PRDM11: variants seen among roughly 807,000 people sequenced by gnomAD.
PRDM11 encodes PR domain-containing protein 11.
A neutral mutation model predicts 97.8 loss-of-function variants in PRDM11; 20 were observed. That is an observed-to-expected ratio of 0.20 (90% CI 0.14 to 0.30). The LOEUF (loss-of-function observed/expected upper bound fraction) is 0.30, where lower values mean the gene tolerates loss of function less well. PRDM11 is among the 10% of genes least tolerant of loss of function. PRDM11 has a pLI of 1.00. For synonymous variants in PRDM11, 599 were observed against 637.7 expected (o/e 0.94, Z 0.91); for missense variants, 1,139 against 1,555.2 (o/e 0.73, Z 4.50).
chr11:45,131,098 T>C (rs750279277), intron 1 of PRDM11, among the ~76,000 whole-genome samples: 1 of 152,172 alleles, frequency 6.6e-6, no homozygotes, highest in Non-Finnish European at 1.5e-5. Context: ...CTCAACAACA[T>C]GAATGAATCA....
chr11:45,149,984 C>T (rs1021427071), intron 1 of PRDM11, among the ~76,000 whole-genome samples: 7 of 152,152 alleles, frequency 4.6e-5, no homozygotes, highest in African/African-American at 9.7e-5. Context: ...GTGATCTTTT[C>T]GACATGCATA....
chr11:45,163,116 C>T (rs996306527), intron 1 of PRDM11, among the ~76,000 whole-genome samples: 13 of 152,122 alleles, frequency 8.5e-5, no homozygotes, highest in African/African-American at 2.9e-4. Flanking sequence ...AGCTGTGTGC[C>T]CCCGGGGAAC....
rs1317423421 is a variant in PRDM11 at position 45,232,788 on chromosome 11, G to A, written c.*4629G>A. 6.6e-6 allele frequency: 1 copy of A among 152,236 alleles called. No homozygotes were observed. Among genetic ancestry groups the A allele is most frequent in the Non-Finnish European group, 1.5e-5 (1 of 68,070 alleles). 9.4% of individuals were successfully genotyped at this position (152,236 alleles called of 1,614,324 possible). On this transcript the variant is annotated 3_prime_UTR_variant, in exon 8 of 8. Transcript: ENST00000683152. ...CTGTTGGTTAGGGTGCTTGAGCTGA[G>A]TGGATGGTGCTGTGATATTTTTAAG...
Position 45,228,262 on chromosome 11 carries a change from A to T in PRDM11, c.*103A>T, listed in dbSNP as rs1051797561. 6.2e-5 allele frequency: 13 copies of T among 211,118 alleles called. No individual in the cohort carries two copies. The highest frequency in any genetic ancestry group is 1.0e-4 in the Non-Finnish European group (13 of 128,036). The allele number at this position is 211,118 out of a possible 1,614,324, so 13.1% of individuals were successfully genotyped here. ...AATATATATTATATTATATTATATT[A>T]TATTATATATATATATATATATAAA... On this transcript the variant is annotated 3_prime_UTR_variant, in exon 8 of 8. Transcript: ENST00000683152.
chr11:45,094,501 G>A (rs1417126353), upstream of PRDM11, among the ~76,000 whole-genome samples: 1 of 150,700 alleles, frequency 6.6e-6, no homozygotes, highest in Non-Finnish European at 1.5e-5. Flanking sequence ...GAGGAGAAAA[G>A]GCAGGAAGGA....
intron 5 of PRDM11, among the ~76,000 whole-genome samples, chr11:45,216,724 A>G (rs1177712657): frequency 1.3e-5 from 2 of 152,248 alleles, no homozygotes; most frequent in Non-Finnish European, 2.9e-5. Context: ...GCCTTTGAAA[A>G]TACTTTGTGA....
At position 45,137,258 on chromosome 11, in the gene PRDM11, C is replaced by A. The variant is rs544016524; in HGVS notation, c.96+41357C>A. ...GACCAGCCTTGCCAACATGGTGAAA[C>A]CCCGTCTCTACTAAAAATATAAAAA... On this transcript the variant is annotated intron_variant, in intron 1 of 6. Transcript: ENST00000530656. Among the ~76,000 whole-genome samples, 9 of 151,526 alleles carry A rather than the reference C, an allele frequency of 5.9e-5. No individual in the cohort carries two copies. The East Asian group carries it at 1.8e-3, about 30-fold the overall frequency.
chr11:45,174,859 T>C (rs1046226672), intron 1 of PRDM11, among the ~76,000 whole-genome samples: 1 of 152,244 alleles, frequency 6.6e-6, no homozygotes, highest in African/African-American at 2.4e-5. Context: ...TGTGTACAGA[T>C]CTGCATCATT....
intron 1 of PRDM11, among the ~76,000 whole-genome samples, chr11:45,108,719 A>G (rs1018474896): frequency 2.0e-5 from 3 of 151,960 alleles, no homozygotes; most frequent in Non-Finnish European, 4.4e-5. Context: ...CCTTGGACCC[A>G]TTTCTCCCCA....
chr11:45,094,778 G>T (rs1354367112), upstream of PRDM11, among the ~76,000 whole-genome samples: 14 of 134,200 alleles, frequency 1.0e-4, no homozygotes, highest in African/African-American at 3.9e-4. Context: ...GGAATAGAGG[G>T]AAGGAAGGGA....
Position 45,150,986 on chromosome 11 carries a change from C to A in PRDM11, c.-7+4109C>A, listed in dbSNP as rs114122962. On this transcript the variant is annotated intron_variant, in intron 1 of 7. Coordinates refer to ENST00000683152, the MANE Select transcript of PRDM11 (RefSeq NM_001384648.1). ...GTTAATGGTGTGGCCAGGATTAGAA[C>A]CCTGGCAGTCTGAGGCCATCTCCTT... Among the ~76,000 whole-genome samples the A allele has an allele frequency of 7.1e-3, 1,074 of 152,306 alleles. 15 individuals carry two copies. The highest frequency in any genetic ancestry group is 0.025 in the African/African-American group (1,029 of 41,558).
intron 1 of PRDM11, among the ~76,000 whole-genome samples, chr11:45,097,817 C>T (rs562641820): frequency 2.0e-5 from 3 of 152,340 alleles, no homozygotes; most frequent in African/African-American, 7.2e-5. Flanking sequence ...CTGGGTGATA[C>T]ACTCATGTTT....
chr11:45,194,841 G>A (rs1395078472), intron 4 of PRDM11, among the ~76,000 whole-genome samples: 8 of 151,596 alleles, frequency 5.3e-5, no homozygotes, highest in African/African-American at 1.2e-4. Flanking sequence ...CTCGTGATCC[G>A]CCCGCCTCGG....
intron 1 of PRDM11, among the ~76,000 whole-genome samples, chr11:45,126,258 A>T (rs540024538): frequency 6.6e-6 from 1 of 152,128 alleles, no homozygotes; most frequent in Non-Finnish European, 1.5e-5. Context: ...TTTCCTGAAT[A>T]CAGCACTCTG....
In PRDM11 at chr11:45,228,002, A is replaced by G. The variant is rs1854317727; in HGVS notation, c.3377A>G (p.Asn1126Ser). 1.3e-6 allele frequency: 2 copies of G among 1,533,748 alleles called. No homozygotes were observed. Among genetic ancestry groups the G allele is most frequent in the Non-Finnish European group, 1.7e-6 (2 of 1,146,708 alleles). ...TIAVNGPPITNFDAKRALDSW... is the reference protein window; with the variant it reads ...TIAVNGPPITSFDAKRALDSW... ...GCTGTAAACGGACCGCCAATCACCA[A>G]CTTTGATGCCAAGCGAGCCCTGGAC... The change falls in exon 8 of 8, where the codon AAC becomes AGC. Residue 1126 changes from asparagine to serine, a missense_variant. Physicochemically the swap from Asn to Ser is conservative, Grantham distance 46. This residue lies in a region of PRDM11 where 710 missense variants were observed against 1,044.9 expected (regional missense o/e 0.68). Coordinates refer to ENST00000683152, the MANE Select transcript of PRDM11 (RefSeq NM_001384648.1).
At position 45,228,640 on chromosome 11, in the gene PRDM11, T is replaced by C. The variant is rs922364938; in HGVS notation, c.*481T>C. The C allele has an allele frequency of 2.0e-5, 3 of 152,190 alleles. No individual in the cohort carries two copies. The highest frequency in any genetic ancestry group is 6.5e-5 in the Admixed American group (1 of 15,270). The allele number at this position is 152,190 out of a possible 1,614,324, so 9.4% of individuals were successfully genotyped here. ...GGGAGGGAGCTCCTCAGCCTCCTCA[T>C]TGACATTCTGGTCCGGCTGAATCAG... On this transcript the variant is annotated 3_prime_UTR_variant, in exon 8 of 8. Coordinates refer to ENST00000683152, the MANE Select transcript of PRDM11 (RefSeq NM_001384648.1).
intron 2 of PRDM11, 90 bp from the exon 3 acceptor site, chr11:45,182,156 C>A: frequency 8.6e-7 from 1 of 1,165,810 alleles, no homozygotes; most frequent in Non-Finnish European, 1.2e-6. Flanking sequence ...TCTTCTCGGT[C>A]TCCTGGCCAG....
chr11:45,149,015 C>G (rs553422671), intron 1 of PRDM11, among the ~76,000 whole-genome samples: 15 of 152,294 alleles, frequency 9.8e-5, no homozygotes, highest in African/African-American at 3.6e-4. Context: ...CTTGGTGTCT[C>G]TGTCTCTGTC....
chr11:45,214,976 A>T (rs1853914379), intron 5 of PRDM11, among the ~76,000 whole-genome samples: 1 of 152,212 alleles, frequency 6.6e-6, no homozygotes, highest in Non-Finnish European at 1.5e-5. Context: ...ACTCAGTTAT[A>T]TTTCATTTCT....
Sources: allele counts gnomAD v4.1 joint callset (sites outside exome capture counted in the v4.1 genomes callset), GRCh38; gene constraint gnomAD v4.1.1; regional missense constraint gnomAD v4.1.1; transcripts MANE v1.5; gene names NCBI Gene and HGNC (gene_info 2026-07-23, HGNC 2026-07-21).